Variants in MYO3B observed in about 807,000 individuals in gnomAD.
MYO3B encodes myosin-IIIb.
Under a neutral mutation model 174.6 loss-of-function variants are expected in MYO3B, and 156 were observed. That is an observed-to-expected ratio of 0.89 (90% CI 0.78 to 1.02). The LOEUF (loss-of-function observed/expected upper bound fraction) is 1.02, where lower values mean the gene tolerates loss of function less well. MYO3B is among the 50% of genes least tolerant of loss of function. MYO3B has a pLI of 0.00. For missense variants in MYO3B, 1,632 were observed against 1,639.4 expected (o/e 1.00, Z 0.08); for synonymous variants, 563 against 569.1 (o/e 0.99, Z 0.15).
intron 32 of MYO3B, among the ~76,000 whole-genome samples, chr2:170,594,348 C>A (rs1411393641): frequency 6.6e-6 from 1 of 151,928 alleles, no homozygotes; most frequent in Admixed American, 6.6e-5. Flanking sequence ...GAGAAGAGAG[C>A]GGAGATGAGA....
intron 22 of MYO3B, chr2:170,412,215 A>C (rs546260303): frequency 6.6e-6 from 1 of 152,368 alleles, no homozygotes. Context: ...AAACTGAGAG[A>C]AAAGCTTAAA....
At chr2:170,496,219 C>T (rs1164630318) in intron 25 of MYO3B, among the ~76,000 whole-genome samples, 1 of 152,168 alleles carries the variant, frequency 6.6e-6, no homozygotes, top group Admixed American at 6.5e-5. Context: ...GCAAATTCAG[C>T]ATTATATCCT....
At chr2:170,418,714 C>G (rs1472114516) in intron 22 of MYO3B, among the ~76,000 whole-genome samples, 1 of 152,056 alleles carries the variant, frequency 6.6e-6, no homozygotes, top group African/African-American at 2.4e-5. Context: ...CCTGGGCCAC[C>G]TGGGGGCAAA....
At chr2:170,391,765 C>T in intron 15 of MYO3B, 147 bp downstream of exon 15, 1 of 582,632 alleles carries the variant, frequency 1.7e-6, no homozygotes, top group Non-Finnish European at 3.0e-6. Flanking sequence ...AGGAAGTATC[C>T]ACCATTTTCA....
intron 32 of MYO3B, among the ~76,000 whole-genome samples, chr2:170,565,391 C>A (rs760699196): frequency 6.6e-6 from 1 of 152,138 alleles, no homozygotes; most frequent in Non-Finnish European, 1.5e-5. Context: ...CATTTTGGGT[C>A]ATCATGAGAA....
chr2:170,599,759 A>C (rs1336709761), intron 32 of MYO3B, among the ~76,000 whole-genome samples: 1 of 152,146 alleles, frequency 6.6e-6, no homozygotes, highest in African/African-American at 2.4e-5. Flanking sequence ...GAAAAACAAC[A>C]AAAAAAGTTC....
intron 30 of MYO3B, among the ~76,000 whole-genome samples, chr2:170,542,619 A>C (rs1485398840): frequency 1.3e-5 from 2 of 152,196 alleles, no homozygotes; most frequent in African/African-American, 2.4e-5. Flanking sequence ...GTGGAAGCCC[A>C]ATAGAGCTCG....
In MYO3B at chr2:170,492,283, C is replaced by T. The variant is rs577253330; in HGVS notation, c.3015-6309C>T. 2.0e-5 allele frequency among the ~76,000 whole-genome samples: 3 copies of T among 152,300 alleles called. No individual in the cohort carries two copies. The East Asian group carries it at 5.8e-4, about 29-fold the overall frequency. Reference sequence around the variant, plus strand: ...GGTTCTTTCCAGTCTTGGATAGTTTCCTCGTATGAATATGCCAGTTAGTAC... The same window carrying T: ...GGTTCTTTCCAGTCTTGGATAGTTTTCTCGTATGAATATGCCAGTTAGTAC... On this transcript the variant is annotated intron_variant, in intron 25 of 34. Coordinates refer to ENST00000408978, the MANE Select transcript of MYO3B (RefSeq NM_138995.5).
Position 170,261,621 on chromosome 2 carries a change from A to G in MYO3B, c.749+25485A>G, listed in dbSNP as rs540530868. On this transcript the variant is annotated intron_variant, in intron 7 of 34. Transcript: ENST00000408978. ...TGCATAATCCCATGATATGTGTGCT[A>G]AGTGGCCACATATAATGTGATCTTT... 5.3e-5 allele frequency among the ~76,000 whole-genome samples: 8 copies of G among 152,314 alleles called. No homozygotes were observed. In the East Asian group the frequency reaches 1.5e-3, roughly 29 times the overall value.
intron 32 of MYO3B, among the ~76,000 whole-genome samples, chr2:170,617,135 C>T (rs778925870): frequency 3.9e-5 from 6 of 152,128 alleles, no homozygotes; most frequent in South Asian, 2.1e-4. Context: ...AATAGATGGA[C>T]GTAATGCAAC....
intron 32 of MYO3B, among the ~76,000 whole-genome samples, chr2:170,565,962 C>T (rs1692051379): frequency 6.6e-6 from 1 of 152,168 alleles, no homozygotes; most frequent in South Asian, 2.1e-4. Context: ...AAAGTCTTTT[C>T]TCCTCCTATG....
At chr2:170,519,823 A>G (rs1207744104) in intron 30 of MYO3B, 4 of 295,210 alleles carry the variant, frequency 1.4e-5, no homozygotes, top group Non-Finnish European at 2.0e-5. Context: ...AAATACAAAA[A>G]TGAGCTGGCC....
At chr2:170,255,780 C>T (rs769850599) in intron 7 of MYO3B, among the ~76,000 whole-genome samples, 8 of 152,120 alleles carry the variant, frequency 5.3e-5, no homozygotes, top group Non-Finnish European at 1.0e-4. Context: ...GTACTAGCTC[C>T]GCAGCAATAG....
At chr2:170,593,876 T>C (rs1447712052) in intron 32 of MYO3B, among the ~76,000 whole-genome samples, 1 of 152,168 alleles carries the variant, frequency 6.6e-6, no homozygotes, top group Non-Finnish European at 1.5e-5. Flanking sequence ...ATCCAAACAT[T>C]TTTCCTAGAG....
chr2:170,466,443 G>A (rs1684635582), intron 24 of MYO3B, 63 bp from the exon 25 acceptor site: 18 of 1,506,922 alleles, frequency 1.2e-5, no homozygotes, highest in Non-Finnish European at 1.7e-5. Context: ...CTGCGGGCCT[G>A]TGTTGTAACT....
At chr2:170,270,425 A>G (rs569791140) in intron 7 of MYO3B, among the ~76,000 whole-genome samples, 17 of 152,316 alleles carry the variant, frequency 1.1e-4, no homozygotes, top group South Asian at 8.3e-4. Context: ...TTAGAACAAT[A>G]GAATTCAAAG....
intron 8 of MYO3B, among the ~76,000 whole-genome samples, chr2:170,356,789 A>ATTTTTTTTTTTTTTTTTTTTTTTTTTTTT (rs2094124862): frequency 6.6e-6 from 1 of 151,974 alleles, no homozygotes; most frequent in South Asian, 2.1e-4. Flanking sequence ...CTTTAAAAAA[A>ATTTTTTTTTTTTTTTTTTTTTTTTTTTTT]TGTTTTAAGA....
At chr2:170,234,597 T>C (rs2093051159) in intron 6 of MYO3B, among the ~76,000 whole-genome samples, 1 of 152,204 alleles carries the variant, frequency 6.6e-6, no homozygotes, top group Non-Finnish European at 1.5e-5. Context: ...AGTATGAGTC[T>C]CACCAGGCTA....
chr2:170,234,420 T>C (rs1374760174), intron 6 of MYO3B, among the ~76,000 whole-genome samples: 1 of 152,176 alleles, frequency 6.6e-6, no homozygotes, highest in Non-Finnish European at 1.5e-5. Context: ...GCCCTTTTCA[T>C]GGTAGCATTA....
Sources: gnomAD v4.1 joint callset for allele counts (sites outside exome capture counted in the v4.1 genomes callset) on GRCh38, gnomAD v4.1.1 for gene constraint, MANE v1.5 for transcripts, NCBI Gene and HGNC (gene_info 2026-07-23, HGNC 2026-07-21) for gene names.